SLC8A1: variants seen among roughly 807,000 people sequenced by gnomAD.
The protein encoded by SLC8A1 is solute carrier family 8 member A1.
SLC8A1 carries 18 observed loss-of-function variants against 68.3 expected under a neutral mutation model. The ratio of observed to expected loss-of-function variants is 0.26; its 90% CI spans 0.18 to 0.39. The LOEUF (loss-of-function observed/expected upper bound fraction) is 0.39. Ranked by LOEUF, SLC8A1 falls within the 10% of genes least tolerant of loss-of-function variation. SLC8A1 has a pLI of 1.00. For synonymous variants in SLC8A1, 475 were observed against 415.5 expected (o/e 1.14, Z -1.74); for missense variants, 985 against 1,156.7 (o/e 0.85, Z 2.15).
intron 1 of SLC8A1, among the ~76,000 whole-genome samples, chr2:40,459,858 A>C (rs1468791287): frequency 6.6e-6 from 1 of 152,104 alleles, no homozygotes; most frequent in Non-Finnish European, 1.5e-5. Context: ...ATTATACTAT[A>C]CACAACACAC....
intron 2 of SLC8A1, among the ~76,000 whole-genome samples, chr2:40,425,143 C>T (rs1236274978): frequency 6.6e-6 from 1 of 151,732 alleles, no homozygotes; most frequent in African/African-American, 2.4e-5. Context: ...AAAGCATGTG[C>T]TAGCTGTTAA....
intron 2 of SLC8A1, among the ~76,000 whole-genome samples, chr2:40,266,396 G>A (rs1232349800): frequency 6.6e-6 from 1 of 152,056 alleles, no homozygotes; most frequent in Non-Finnish European, 1.5e-5. Flanking sequence ...AATTTGATAA[G>A]GACAGGTAAA....
At chr2:40,323,918 A>G (rs954062653) in intron 2 of SLC8A1, among the ~76,000 whole-genome samples, 2 of 152,046 alleles carry the variant, frequency 1.3e-5, no homozygotes, top group African/African-American at 4.8e-5. Context: ...AAATTATAAG[A>G]ATTTTTTAAA....
In SLC8A1 at chr2:40,430,314, A is replaced by G. The variant is rs760284823; in HGVS notation, c.-24-10T>C. On this transcript the variant is annotated splice_polypyrimidine_tract_variant and intron_variant, in intron 1 of 7. Coordinates refer to ENST00000406785, the Ensembl canonical transcript of SLC8A1. ...CAACTGTCACAACCTACTGGTAAAA[A>G]TAAGATGGGGGAGAGGGCAGAAAAA... The G allele has an allele frequency of 1.4e-5, 22 of 1,569,176 alleles. No homozygotes were observed. Among genetic ancestry groups the G allele is most frequent in the South Asian group, 3.6e-5 (3 of 82,762 alleles).
At chr2:40,226,713 C>A (rs1296340414) in intron 2 of SLC8A1, among the ~76,000 whole-genome samples, 1 of 152,128 alleles carries the variant, frequency 6.6e-6, no homozygotes, top group Non-Finnish European at 1.5e-5. Flanking sequence ...TGTGTACACA[C>A]TTGAATGTCC....
intron 2 of SLC8A1, among the ~76,000 whole-genome samples, chr2:40,365,461 C>A (rs1297174760): frequency 6.6e-6 from 1 of 152,040 alleles, no homozygotes; most frequent in Admixed American, 6.6e-5. Context: ...TAATTAACTG[C>A]CCATTTCACT....
At chr2:40,372,196 C>T (rs1243763615) in intron 2 of SLC8A1, among the ~76,000 whole-genome samples, 4 of 152,042 alleles carry the variant, frequency 2.6e-5, no homozygotes, top group Admixed American at 2.0e-4. Context: ...CTTTAATCCT[C>T]CAGAATGTAA....
chr2:40,258,863 A>C (rs2064303419), intron 2 of SLC8A1, among the ~76,000 whole-genome samples: 1 of 152,016 alleles, frequency 6.6e-6, no homozygotes, highest in Admixed American at 6.6e-5. Context: ...AAACAAACAA[A>C]AAACAACAAA....
intron 6 of SLC8A1, among the ~76,000 whole-genome samples, chr2:40,149,529 G>T (rs931133142): frequency 2.6e-5 from 4 of 152,162 alleles, no homozygotes; most frequent in African/African-American, 9.7e-5. Flanking sequence ...ATTCCATGCA[G>T]AGAAAATATC....
chr2:40,217,734 G>A (rs946180233), intron 2 of SLC8A1, among the ~76,000 whole-genome samples: 4 of 152,144 alleles, frequency 2.6e-5, no homozygotes, highest in Non-Finnish European at 5.9e-5. Context: ...CTGTCAGTCT[G>A]TGAAACCAGT....
intron 2 of SLC8A1, among the ~76,000 whole-genome samples, chr2:40,188,069 C>A (rs2051023398): frequency 2.6e-5 from 4 of 152,112 alleles, no homozygotes; most frequent in Admixed American, 2.6e-4. Flanking sequence ...GCATAGGGTA[C>A]CATGTTGAAA....
chr2:40,238,097 G>A (rs1430699865), intron 2 of SLC8A1, among the ~76,000 whole-genome samples: 1 of 152,230 alleles, frequency 6.6e-6, no homozygotes, highest in Non-Finnish European at 1.5e-5. Context: ...AGCCTACAGA[G>A]GCAGGCAGGC....
intron 1 of SLC8A1, among the ~76,000 whole-genome samples, chr2:40,487,931 C>G (rs1487888884): frequency 6.6e-6 from 1 of 152,106 alleles, no homozygotes; most frequent in East Asian, 1.9e-4. Context: ...TCTGATACCA[C>G]TTCATGGAAA....
intron 2 of SLC8A1, among the ~76,000 whole-genome samples, chr2:40,306,497 A>G (rs1313299147): frequency 1.3e-5 from 2 of 152,090 alleles, no homozygotes; most frequent in African/African-American, 4.8e-5. Flanking sequence ...ACTTTCAGAC[A>G]TGTACTTGGT....
intron 3 of SLC8A1, among the ~76,000 whole-genome samples, chr2:40,177,576 C>T (rs943106798): frequency 2.0e-5 from 3 of 152,082 alleles, no homozygotes. Flanking sequence ...AGAAAGTGGG[C>T]GTTGCCTGTT....
chr2:40,245,737 T>C (rs376865393), intron 2 of SLC8A1, among the ~76,000 whole-genome samples: 1 of 152,162 alleles, frequency 6.6e-6, no homozygotes, highest in African/African-American at 2.4e-5. Flanking sequence ...TCCTGTGATG[T>C]ATATTGTGAA....
intron 2 of SLC8A1, among the ~76,000 whole-genome samples, chr2:40,286,527 G>C (rs138894120): frequency 1.4e-3 from 210 of 152,242 alleles, no homozygotes; most frequent in African/African-American, 4.9e-3. Context: ...GCCTTTGATG[G>C]ACAAAGAGAA....
chr2:40,172,828 G>A (rs2047749844), intron 4 of SLC8A1, among the ~76,000 whole-genome samples: 1 of 152,118 alleles, frequency 6.6e-6, no homozygotes, highest in East Asian at 1.9e-4. Flanking sequence ...TGTAGTCCCA[G>A]ACACTCGGGA....
At chr2:40,341,562 G>A (rs1667703807) in intron 2 of SLC8A1, among the ~76,000 whole-genome samples, 1 of 152,104 alleles carries the variant, frequency 6.6e-6, no homozygotes. Flanking sequence ...GGATCTTTTT[G>A]TTAGCAAAAA....
Sources: gnomAD v4.1 joint callset for allele counts (sites outside exome capture counted in the v4.1 genomes callset) on GRCh38, gnomAD v4.1.1 for gene constraint, MANE v1.5 for transcripts, NCBI Gene and HGNC (gene_info 2026-07-23, HGNC 2026-07-21) for gene names.